The following ITIH5 variants were observed in gnomAD, a reference collection of about 807,000 sequenced individuals.
The protein encoded by ITIH5 is inter-alpha-trypsin inhibitor heavy chain H5.
A neutral mutation model predicts 77.5 loss-of-function variants in ITIH5; 65 were observed. The ratio of observed to expected loss-of-function variants is 0.84; its 90% CI spans 0.69 to 1.03. ITIH5 has a LOEUF of 1.03. Ranked by LOEUF, ITIH5 falls within the 50% of genes least tolerant of loss-of-function variation. ITIH5 has a pLI of 0.00. For missense variants in ITIH5, 1,208 were observed against 1,213.1 expected, an observed-to-expected ratio of 1.00 and a Z score of 0.06; for synonymous variants, 525 against 494.3, an observed-to-expected ratio of 1.06 and a Z score of -0.82.
At chr10:7,616,120 A>G (rs765228411) in intron 6 of ITIH5, 22 bp from the exon 7 acceptor site, 1 of 1,424,956 alleles carries the variant, frequency 7.0e-7, no homozygotes, top group Non-Finnish European at 9.9e-7. Context: ...AAAAGAAAGT[A>G]AAAACGGTAG....
intron 12 of ITIH5, among the ~76,000 whole-genome samples, chr10:7,567,570 T>C (rs920758858): frequency 2.6e-5 from 4 of 151,202 alleles, no homozygotes; most frequent in African/African-American, 9.7e-5. Context: ...TTCCCACCTA[T>C]GAGTGAGAAC....
At chr10:7,644,422 T>C (rs1833942710) in intron 2 of ITIH5, among the ~76,000 whole-genome samples, 1 of 145,322 alleles carries the variant, frequency 6.9e-6, no homozygotes, top group Non-Finnish European at 1.5e-5. Flanking sequence ...ATCATATATA[T>C]CACATATATC....
At chr10:7,638,548 G>C (rs1588419522) in intron 4 of ITIH5, among the ~76,000 whole-genome samples, 1 of 152,168 alleles carries the variant, frequency 6.6e-6, no homozygotes, top group South Asian at 2.1e-4. Flanking sequence ...AAAGTATTTT[G>C]ACCTTAAAGT....
rs1833842981 is a variant in ITIH5 at position 7,639,011 on chromosome 10, G to T, written c.402-1533C>A. On this transcript the variant is annotated intron_variant, in intron 4 of 13. Transcript: ENST00000397146. The stretch of plus-strand genomic sequence containing the variant: ...TTTTATATCATAAGAAAAAAGAAAA[G>T]CAGTTAGAAACTCCAGGAAAAACAG... 2.6e-5 allele frequency among the ~76,000 whole-genome samples: 4 copies of T among 152,116 alleles called. No individual in the cohort carries two copies. The South Asian group carries it at 8.3e-4, about 31-fold the overall frequency.
chr10:7,586,468 G>A (rs11598825), intron 7 of ITIH5, among the ~76,000 whole-genome samples: 32,042 of 152,164 alleles, frequency 0.21, 3,849 homozygotes, highest in Non-Finnish European at 0.27. Context: ...CTTCTCTGAA[G>A]AGAGCTGATC....
intron 11 of ITIH5, chr10:7,571,780 T>C (rs1212846395): frequency 6.2e-6 from 1 of 161,730 alleles, no homozygotes; most frequent in Admixed American, 6.5e-5. Flanking sequence ...AGATGCGATG[T>C]AAATAGTTGT....
intron 1 of ITIH5, among the ~76,000 whole-genome samples, chr10:7,665,438 A>C (rs1310182873): frequency 6.6e-6 from 1 of 152,212 alleles, no homozygotes; most frequent in Non-Finnish European, 1.5e-5. Context: ...GTCATAATGC[A>C]TTCAGTCCTC....
At chr10:7,590,171 C>A (rs1832764504) in intron 7 of ITIH5, among the ~76,000 whole-genome samples, 1 of 152,074 alleles carries the variant, frequency 6.6e-6, no homozygotes, top group Non-Finnish European at 1.5e-5. Context: ...CTTTTTAAAT[C>A]TCCCTCTCCT....
rs190611416 is a variant in ITIH5 at position 7,582,067 on chromosome 10, G to C, written c.1109-2003C>G. ...ATTTTTGTACTTTTTTAGTAGAGAC[G>C]GGTTTCACCATGTTGGCCAGGCTGG... On this transcript the variant is annotated intron_variant, in intron 8 of 13. Coordinates refer to ENST00000397146, the MANE Select transcript of ITIH5 (RefSeq NM_030569.7). Among the ~76,000 whole-genome samples the C allele has an allele frequency of 1.9e-4, 28 of 150,468 alleles. No individual in the cohort carries two copies. In the East Asian group the frequency reaches 4.1e-3, roughly 22 times the overall value.
chr10:7,599,617 C>T lies in ITIH5; in HGVS notation c.940-13548G>A, dbSNP rs562170951. Among the ~76,000 whole-genome samples, 154 of 152,284 alleles carry T rather than the reference C, an allele frequency of 1.0e-3. 1 individual carries two copies. The highest frequency in any genetic ancestry group is 3.3e-3 in the African/African-American group (136 of 41,560). On this transcript the variant is annotated intron_variant, in intron 7 of 13. Coordinates refer to ENST00000397146, the MANE Select transcript of ITIH5 (RefSeq NM_030569.7). ...CCCTCTCCCTTAAGTTCTCACGATT[C>T]CTCTCTCCCTGGCTTTGGTCCATCC... is the stretch of plus-strand genomic sequence containing the variant.
rs1225914396 is a variant in ITIH5 at position 7,569,709 on chromosome 10, G to C, written c.2108C>G (p.Pro703Arg). Residue 703 changes from proline (P) to arginine (R), a missense_variant, in exon 12 of 14, where the codon CCC becomes CGC. Physicochemically the swap from Pro to Arg is moderately radical, Grantham distance 103 (BLOSUM62 -2). Transcript: ENST00000397146. ...AGAGACCAGCCTGAGGATGTCCCCG[G>C]GCTGCCCATCAATGTTGAAGCACAC... ...LTVCFNIDGQ[P>R]GDILRLVSDH... 1 of 1,612,986 alleles carries C rather than the reference G, an allele frequency of 6.2e-7. No homozygotes were observed.
chr10:7,666,708 G>C, intron 1 of ITIH5, 95 bp downstream of exon 1: 1 of 956,070 alleles, frequency 1.0e-6, no homozygotes, highest in South Asian at 1.6e-5. Context: ...CCTGGGAGAC[G>C]GTCGAAGGGG....
At chr10:7,646,059 T>C (rs1220015363) in intron 2 of ITIH5, among the ~76,000 whole-genome samples, 1 of 152,258 alleles carries the variant, frequency 6.6e-6, no homozygotes, top group African/African-American at 2.4e-5. Context: ...CATGATTAAA[T>C]ATATTCTTTT....
At chr10:7,590,096 A>G (rs911208268) in intron 7 of ITIH5, among the ~76,000 whole-genome samples, 2 of 151,936 alleles carry the variant, frequency 1.3e-5, no homozygotes, top group African/African-American at 4.8e-5. Context: ...CGACCTGCCA[A>G]CCTTTTCTCC....
intron 11 of ITIH5, 118 bp downstream of exon 11, chr10:7,573,024 C>T (rs1832335009): frequency 1.0e-5 from 9 of 872,726 alleles, no homozygotes; most frequent in South Asian, 3.0e-5. Flanking sequence ...GCAATACACC[C>T]ACCTCGGCCT....
rs537004763 is a variant in ITIH5, at chr10:7,664,800, C to A, written c.90+2003G>T. Among the ~76,000 whole-genome samples, 24 of 152,312 alleles carry A rather than the reference C, an allele frequency of 1.6e-4. 1 individual carries two copies. In the South Asian group the frequency reaches 4.6e-3, roughly 29 times the overall value. On this transcript the variant is annotated intron_variant, in intron 1 of 13. Transcript: ENST00000397146. ...TTAAGTTTACATACAATTTTAAAGA[C>A]CATAATGATTGAGAATAGAGTGCTC... is the stretch of plus-strand genomic sequence containing the variant.
chr10:7,652,786 G>A (rs182408753), intron 2 of ITIH5, among the ~76,000 whole-genome samples: 1 of 152,030 alleles, frequency 6.6e-6, no homozygotes, highest in African/African-American at 2.4e-5. Context: ...GATTCAGAGA[G>A]GCATTCTTCC....
At chr10:7,629,485 ATGT>A (rs1449308042) in intron 5 of ITIH5, among the ~76,000 whole-genome samples, 1 of 146,642 alleles carries the variant, frequency 6.8e-6, no homozygotes, top group Non-Finnish European at 1.5e-5. Context: ...GCATGTGTCC[ATGT>A]TGTAGCGTGT....
chr10:7,655,317 A>C (rs930855867), intron 2 of ITIH5, among the ~76,000 whole-genome samples: 5 of 152,326 alleles, frequency 3.3e-5, no homozygotes, highest in African/African-American at 9.6e-5. Flanking sequence ...TTCACAACAA[A>C]GCTCTCATTT....
Sources: allele counts gnomAD v4.1 joint callset (sites outside exome capture counted in the v4.1 genomes callset), GRCh38; gene constraint gnomAD v4.1.1; transcripts MANE v1.5; gene names NCBI Gene and HGNC (gene_info 2026-07-23, HGNC 2026-07-21).